VPS37D: variants seen among roughly 807,000 people sequenced by gnomAD.
VPS37D encodes the protein VPS37D subunit of ESCRT-I.
VPS37D carries 5 observed loss-of-function variants against 22.0 expected under a neutral mutation model. That is an observed-to-expected ratio of 0.23 (90% CI 0.12 to 0.48). VPS37D has a LOEUF of 0.48. VPS37D is among the 20% of genes least tolerant of loss of function. The pLI is 0.99. For synonymous variants in VPS37D, 174 were observed against 159.3 expected (o/e 1.09, Z -0.69); for missense variants, 384 against 345.8 (o/e 1.11, Z -0.88).
Position 73,667,866 on chromosome 7 carries a change from TGGAGCCGGAGCGGAGCGGAGCGGAGC to T in VPS37D, c.-84_-59del, listed in dbSNP as rs1188327218. 9.9e-5 allele frequency: 35 copies of T among 351,934 alleles called. No homozygotes were observed. The highest frequency in any genetic ancestry group is 1.4e-3 in the Middle Eastern group (1 of 706). The allele number at this position is 351,934 out of a possible 1,614,324, so 21.8% of individuals were successfully genotyped here. A position where few individuals can be genotyped will look rare whatever the true frequency, so the allele number is the denominator to read the frequency against. Reference sequence around the variant, plus strand: ...GTGCGGCCGGAGCCGGAGCGGATCCTGGAGCCGGAGCGGAGCGGAGCGGAGCGGAGCCGGGGCGGAGCGGGCCGAGC... The same window carrying T: ...GTGCGGCCGGAGCCGGAGCGGATCCTGGAGCCGGGGCGGAGCGGGCCGAGC... On this transcript the variant is annotated 5_prime_UTR_variant, in exon 1 of 4. Coordinates refer to ENST00000324941, the MANE Select transcript of VPS37D (RefSeq NM_001077621.2).
chr7:73,666,626 T>C (rs1490063074), upstream of VPS37D, among the ~76,000 whole-genome samples: 1 of 151,954 alleles, frequency 6.6e-6, no homozygotes, highest in African/African-American at 2.4e-5. Context: ...CTCAAACTTC[T>C]GACCTCAAAT....
intron 3 of VPS37D, 50 bp downstream of exon 3, chr7:73,670,152 C>G: frequency 1.3e-6 from 2 of 1,548,692 alleles, no homozygotes; most frequent in Non-Finnish European, 8.7e-7. Flanking sequence ...GACCCATTCT[C>G]TGCCACCCCC....
At chr7:73,666,649 T>G (rs1317248252), upstream of VPS37D, among the ~76,000 whole-genome samples, 2 of 152,076 alleles carry the variant, frequency 1.3e-5, no homozygotes. Flanking sequence ...TTCACCCACC[T>G]TGGACTCCCA....
At chr7:73,666,022 T>C (rs1356101310), upstream of VPS37D, among the ~76,000 whole-genome samples, 1 of 152,164 alleles carries the variant, frequency 6.6e-6, no homozygotes, top group African/African-American at 2.4e-5. Flanking sequence ...GGCTACTTTA[T>C]TTTTTATGTT....
At chr7:73,670,937 A>T in intron 3 of VPS37D, 77 bp from the exon 4 acceptor site, 1 of 1,543,106 alleles carries the variant, frequency 6.5e-7, no homozygotes, top group Non-Finnish European at 8.8e-7. Context: ...GGAGGGCCTC[A>T]GGGTGGGAAG....
rs1554609734 is a variant in VPS37D at position 73,671,268 on chromosome 7, C to T, written c.648C>T (p.Pro216=). Residue 216 remains proline, a synonymous_variant, in exon 4 of 4, where the codon CCC becomes CCT. Coordinates refer to ENST00000324941, the MANE Select transcript of VPS37D (RefSeq NM_001077621.2). ...CAGCAGTGCCCCGGAGCCTGCCCCC[C>T]TTGGACTCCCGCCCAGTGCCCCCAC... ...GPPAVPRSLP[P]LDSRPVPPLK... 7 of 1,480,738 alleles carry T rather than the reference C, an allele frequency of 4.7e-6. No homozygotes were observed. The South Asian group carries it at 8.0e-5, about 17-fold the overall frequency. 91.7% of individuals were successfully genotyped at this position (1,480,738 alleles called of 1,614,324 possible). A position where few individuals can be genotyped will look rare whatever the true frequency, so the allele number is the denominator to read the frequency against.
At position 73,671,241 on chromosome 7, in the gene VPS37D, A is replaced by G; in HGVS notation, c.621A>G (p.Pro207=). Residue 207 remains proline, a synonymous_variant, in exon 4 of 4, where the codon CCA becomes CCG. Coordinates refer to ENST00000324941, the MANE Select transcript of VPS37D (RefSeq NM_001077621.2). ...TGCCCACTGGGGCCGCCCGGGGGCC[A>G]CCAGCAGTGCCCCGGAGCCTGCCCC... is the stretch of plus-strand genomic sequence containing the variant. The part of the protein sequence containing the change: ...AVLPTGAARG[P]PAVPRSLPPL... The G allele has an allele frequency of 6.5e-7, 1 of 1,541,306 alleles. No homozygotes were observed. The highest frequency in any genetic ancestry group is 1.2e-5 in the South Asian group (1 of 82,810).
chr7:73,671,186 C>T lies in VPS37D; in HGVS notation c.566C>T (p.Pro189Leu). 1 of 1,599,908 alleles carries T rather than the reference C, an allele frequency of 6.3e-7. No individual in the cohort carries two copies. The highest frequency in any genetic ancestry group is 8.5e-7 in the Non-Finnish European group (1 of 1,175,096). Residue 189 changes from proline (P) to leucine (L), a missense_variant, in exon 4 of 4, where the codon CCC (proline) becomes CTC (leucine). Coordinates refer to ENST00000324941, the MANE Select transcript of VPS37D (RefSeq NM_001077621.2). ...CCGGCCCCCACCTCGGCTGCTGATC[C>T]CCCCAAATCCTTCCCGGCTGCAGCT... Reference protein sequence around the residue: ...AQPAPTSAADPPKSFPAAAVL... With the variant: ...AQPAPTSAADLPKSFPAAAVL...
At chr7:73,670,904 C>T (rs1797492745) in intron 3 of VPS37D, 110 bp from the exon 4 acceptor site, 1 of 1,451,742 alleles carries the variant, frequency 6.9e-7, no homozygotes, top group East Asian at 2.4e-5. Context: ...CCCTGTCCCC[C>T]AGCTGAGGGG....
intron 1 of VPS37D, among the ~76,000 whole-genome samples, chr7:73,668,642 G>T (rs1252162923): frequency 1.3e-5 from 2 of 152,000 alleles, no homozygotes; most frequent in Admixed American, 1.3e-4. Flanking sequence ...GTCTGTGGGG[G>T]GCAGAAAGGG....
At position 73,668,082 on chromosome 7, in the gene VPS37D, C is replaced by T; in HGVS notation, c.124C>T (p.Arg42Trp). ...QDEPKLDRIV[R>W]LSRKFQGLQL... ...TGAGCCCAAGCTGGACCGGATCGTG[C>T]GGCTCAGCAGGAAGGTAGCGCGGGG... The change falls in exon 1 of 4, where the codon CGG (arginine) becomes TGG (tryptophan). Residue 42 changes from arginine to tryptophan, a missense_variant. Arg to Trp is a moderately radical substitution (Grantham distance 101, BLOSUM62 -3). Transcript: ENST00000324941. 1.1e-5 allele frequency: 12 copies of T among 1,120,394 alleles called. No homozygotes were observed. Among genetic ancestry groups the T allele is most frequent in the Non-Finnish European group, 1.2e-5 (11 of 907,634 alleles). 69.4% of individuals were successfully genotyped at this position (1,120,394 alleles called of 1,614,324 possible). A position where few individuals can be genotyped will look rare whatever the true frequency, so the allele number is the denominator to read the frequency against.
In VPS37D at chr7:73,670,031, C is replaced by T. The variant is rs1365829596; in HGVS notation, c.322C>T (p.His108Tyr). ...TCTGTGGCCCTCAGAGGAAAGCATG[C>T]ATCGCTGGAGTCCCCACTGCGCGCT... ...DKLQRLEESM[H>Y]RWSPHCALGW... The change falls in exon 3 of 4, where the codon CAT (histidine) becomes TAT (tyrosine). Residue 108 changes from histidine to tyrosine, a missense_variant. His to Tyr is a moderately conservative substitution (Grantham distance 83). Transcript: ENST00000324941. 7.7e-6 allele frequency: 12 copies of T among 1,551,366 alleles called. No homozygotes were observed. The highest frequency in any genetic ancestry group is 1.0e-5 in the Non-Finnish European group (12 of 1,146,890).
upstream of VPS37D, among the ~76,000 whole-genome samples, chr7:73,665,831 T>A (rs1302551748): frequency 1.3e-5 from 2 of 152,148 alleles, no homozygotes; most frequent in Non-Finnish European, 2.9e-5. Context: ...TAGCAGTGTA[T>A]TAAGGTGGAA....
intron 3 of VPS37D, 70 bp from the exon 4 acceptor site, chr7:73,670,944 G>T (rs1379018486): frequency 8.3e-6 from 13 of 1,557,044 alleles, no homozygotes; most frequent in Non-Finnish European, 1.1e-5. Flanking sequence ...CTCAGGGTGG[G>T]AAGGAGTGAG....
rs782605233 is a variant in VPS37D, at chr7:73,671,084, G to A, written c.464G>A (p.Arg155His). 6.2e-7 allele frequency: 1 copy of A among 1,611,088 alleles called. No individual in the cohort carries two copies. Among genetic ancestry groups the A allele is most frequent in the Admixed American group, 1.7e-5 (1 of 59,960 alleles). The stretch of plus-strand genomic sequence containing the variant: ...TTCCTGCCTGCCTTCCAGCGTGGCC[G>A]CGCCCTGGCCCACCTGAGGCGGACG... ...EAFLPAFQRG[R>H]ALAHLRRTQA... The change falls in exon 4 of 4, where the codon CGC (arginine) becomes CAC (histidine). Residue 155 changes from arginine to histidine, a missense_variant. By Grantham distance (29) the Arg-to-His change is conservative. Transcript: ENST00000324941.
rs1339855202 is a variant in VPS37D, at chr7:73,667,874, G to A, written c.-85G>A. 20 of 337,844 alleles carry A rather than the reference G, an allele frequency of 5.9e-5. No individual in the cohort carries two copies. The highest frequency in any genetic ancestry group is 8.0e-5 in the Non-Finnish European group (19 of 236,468). 20.9% of individuals were successfully genotyped at this position (337,844 alleles called of 1,614,324 possible). On this transcript the variant is annotated 5_prime_UTR_variant, in exon 1 of 4. Coordinates refer to ENST00000324941, the MANE Select transcript of VPS37D (RefSeq NM_001077621.2). ...GGAGCCGGAGCGGATCCTGGAGCCG[G>A]AGCGGAGCGGAGCGGAGCGGAGCCG...
At chr7:73,670,941 T>G (rs1797494295) in intron 3 of VPS37D, 73 bp from the exon 4 acceptor site, 3 of 1,551,762 alleles carry the variant, frequency 1.9e-6, no homozygotes, top group Non-Finnish European at 2.6e-6. Context: ...GGCCTCAGGG[T>G]GGGAAGGAGT....
chr7:73,665,568 G>A (rs540861370), upstream of VPS37D, among the ~76,000 whole-genome samples: 10 of 152,274 alleles, frequency 6.6e-5, no homozygotes, highest in South Asian at 1.5e-3. Flanking sequence ...AAGTAGAAGT[G>A]TTACTTTTAT....
At chr7:73,668,610 G>C (rs1311243903) in intron 1 of VPS37D, among the ~76,000 whole-genome samples, 1 of 151,956 alleles carries the variant, frequency 6.6e-6, no homozygotes, top group African/African-American at 2.4e-5. Context: ...TATATTTCAC[G>C]GGAGATAGGC....
Sources: gnomAD v4.1 joint callset for allele counts (sites outside exome capture counted in the v4.1 genomes callset) on GRCh38, gnomAD v4.1.1 for gene constraint, MANE v1.5 for transcripts, NCBI Gene and HGNC (gene_info 2026-07-23, HGNC 2026-07-21) for gene names.